MBOAT1: variants seen among roughly 807,000 people sequenced by gnomAD.
MBOAT1 encodes membrane bound glycerophospholipid O-acyltransferase 1, also known as membrane-bound glycerophospholipid O-acyltransferase 1.
Under a neutral mutation model 64.4 loss-of-function variants are expected in MBOAT1, and 67 were observed. The observed-to-expected ratio is 1.04, with a 90% confidence interval of 0.85 to 1.27. The LOEUF (loss-of-function observed/expected upper bound fraction) is 1.27. MBOAT1 is among the 50% of genes most tolerant of loss of function. The pLI, the probability that MBOAT1 is intolerant of heterozygous loss-of-function variation, is 0.00. For synonymous variants in MBOAT1, 229 were observed against 218.9 expected, an observed-to-expected ratio of 1.05 and a Z score of -0.41; for missense variants, 563 against 604.6, an observed-to-expected ratio of 0.93 and a Z score of 0.72.
rs553427664 is a variant in MBOAT1, at chr6:20,184,670, C to A, written c.99+27466G>T. Among the ~76,000 whole-genome samples, 4 of 152,160 alleles carry A rather than the reference C, an allele frequency of 2.6e-5. No individual in the cohort carries two copies. In the East Asian group the frequency reaches 7.7e-4, roughly 29 times the overall value. ...TCCCAGGCTGAGAGCCCTTTAGGTA[C>A]ACCCTCATTCCCTACAGAATGGAAC... On this transcript the variant is annotated intron_variant, in intron 1 of 12. Transcript: ENST00000324607.
At chr6:20,188,555 C>T (rs777463049) in intron 1 of MBOAT1, among the ~76,000 whole-genome samples, 8 of 152,170 alleles carry the variant, frequency 5.3e-5, no homozygotes, top group Middle Eastern at 3.4e-3. Context: ...AGCTCTCTGC[C>T]GCAGAGAGAG....
chr6:20,112,278 G>A (rs1455486600), intron 11 of MBOAT1, among the ~76,000 whole-genome samples: 1 of 151,926 alleles, frequency 6.6e-6, no homozygotes, highest in Non-Finnish European at 1.5e-5. Flanking sequence ...TCTACAACAA[G>A]CAAATTGCAG....
chr6:20,169,607 TA>T (rs5874753), intron 1 of MBOAT1, among the ~76,000 whole-genome samples: 62 of 146,238 alleles, frequency 4.2e-4, no homozygotes, highest in East Asian at 5.9e-4. Flanking sequence ...AATTCTCCGT[TA>T]AAAAAAAAAA....
intron 12 of MBOAT1, among the ~76,000 whole-genome samples, chr6:20,108,444 A>T (rs1436878130): frequency 6.6e-6 from 1 of 152,204 alleles, no homozygotes; most frequent in East Asian, 1.9e-4. Context: ...GTATAAAAGC[A>T]TATATTGTAA....
At chr6:20,205,209 G>A (rs975375150) in intron 1 of MBOAT1, among the ~76,000 whole-genome samples, 11 of 151,906 alleles carry the variant, frequency 7.2e-5, no homozygotes, top group Admixed American at 5.9e-4. Context: ...AGAAAGAAAA[G>A]AGAGAAAAGG....
chr6:20,119,378 CTCTT>C (rs1390620711), intron 8 of MBOAT1, among the ~76,000 whole-genome samples: 1 of 152,150 alleles, frequency 6.6e-6, no homozygotes. Flanking sequence ...GGCTAATTGT[CTCTT>C]TCTACTTATT....
chr6:20,162,886 T>C (rs1761903319), intron 1 of MBOAT1, among the ~76,000 whole-genome samples: 1 of 152,234 alleles, frequency 6.6e-6, no homozygotes, highest in Non-Finnish European at 1.5e-5. Flanking sequence ...CCAAGCTTCT[T>C]TCCATCAGTG....
At chr6:20,111,835 C>CATCTATAT in intron 11 of MBOAT1, among the ~76,000 whole-genome samples, 1 of 86,788 alleles carries the variant, frequency 1.2e-5, no homozygotes. Flanking sequence ...CATATATATA[C>CATCTATAT]ACATATATAT....
At chr6:20,175,047 T>C (rs1231629569) in intron 1 of MBOAT1, among the ~76,000 whole-genome samples, 4 of 152,112 alleles carry the variant, frequency 2.6e-5, no homozygotes, top group African/African-American at 9.7e-5. Context: ...TGGTAGATAC[T>C]AAAGGCAGAA....
intron 1 of MBOAT1, among the ~76,000 whole-genome samples, chr6:20,168,267 A>G (rs555173686): frequency 6.6e-6 from 1 of 152,284 alleles, no homozygotes; most frequent in South Asian, 2.1e-4. Context: ...TGAATCAACT[A>G]AACCCTGATA....
At chr6:20,102,544 G>A in intron 12 of MBOAT1, 132 bp from the exon 13 acceptor site, 1 of 672,884 alleles carries the variant, frequency 1.5e-6, no homozygotes, top group Non-Finnish European at 2.4e-6. Flanking sequence ...CTACACTCAG[G>A]CTTCCCTCAA....
chr6:20,113,122 T>A (rs1760221476), intron 10 of MBOAT1, 114 bp from the exon 11 acceptor site: 2 of 1,293,674 alleles, frequency 1.5e-6, no homozygotes, highest in Non-Finnish European at 2.1e-6. Context: ...ACTGATGAGA[T>A]GCCTCCCTAA....
intron 1 of MBOAT1, among the ~76,000 whole-genome samples, chr6:20,168,640 A>AGAGAAGAGAGGAGAG (rs1254759093): frequency 1.5e-4 from 8 of 53,750 alleles, no homozygotes; most frequent in African/African-American, 4.2e-4. Flanking sequence ...AGAGAAGAGA[A>AGAGAAGAGAGGAGAG]GAGAGGAGAG....
intron 1 of MBOAT1, among the ~76,000 whole-genome samples, chr6:20,152,989 C>T (rs540301245): frequency 1.3e-5 from 2 of 152,216 alleles, no homozygotes; most frequent in Admixed American, 6.5e-5. Context: ...CCCGCCACCA[C>T]GCCCGGCTAA....
At chr6:20,152,326 CAAA>C (rs60553927) in intron 2 of MBOAT1, among the ~76,000 whole-genome samples, 1,479 of 97,044 alleles carry the variant, frequency 0.015, 14 homozygotes, top group East Asian at 0.044. Flanking sequence ...GACTCCGTCT[CAAA>C]AAAAAAAAAT....
intron 11 of MBOAT1, among the ~76,000 whole-genome samples, chr6:20,112,526 G>A (rs946814732): frequency 2.6e-5 from 4 of 152,108 alleles, no homozygotes; most frequent in Admixed American, 1.3e-4. Flanking sequence ...GAAGTCCTAT[G>A]GTGCCTACAT....
At chr6:20,161,883 G>T (rs1761873855) in intron 1 of MBOAT1, among the ~76,000 whole-genome samples, 1 of 152,246 alleles carries the variant, frequency 6.6e-6, no homozygotes, top group African/African-American at 2.4e-5. Context: ...CTGGAGGGTG[G>T]GTTGGGGGGC....
rs1470043440 is a variant in MBOAT1, at chr6:20,101,430, T to C, written c.*856A>G. Among the ~76,000 whole-genome samples the C allele has an allele frequency of 3.9e-5, 6 of 152,326 alleles. No individual in the cohort carries two copies. The East Asian group carries it at 5.8e-4, about 15-fold the overall frequency. ...TCCATGCACTAGTCCTCTTGGCTCG[T>C]AGAGTTTTCAGTGCCCTGAAACCAT... is the stretch of plus-strand genomic sequence containing the variant. On this transcript the variant is annotated 3_prime_UTR_variant, in exon 13 of 13. Coordinates refer to ENST00000324607, the MANE Select transcript of MBOAT1 (RefSeq NM_001080480.3).
chr6:20,130,132 A>T (rs1391469146), intron 5 of MBOAT1, among the ~76,000 whole-genome samples: 1 of 152,226 alleles, frequency 6.6e-6, no homozygotes, highest in African/African-American at 2.4e-5. Context: ...AGTGCTTGTT[A>T]GAGCAGTACA....
Sources: allele counts gnomAD v4.1 joint callset (sites outside exome capture counted in the v4.1 genomes callset), GRCh38; gene constraint gnomAD v4.1.1; transcripts MANE v1.5; gene names NCBI Gene and HGNC (gene_info 2026-07-23, HGNC 2026-07-21).